Variants in ADAMTS6 observed in about 807,000 individuals in gnomAD.
The protein encoded by ADAMTS6 is ADAM metallopeptidase with thrombospondin type 1 motif 6, also known as A disintegrin and metalloproteinase with thrombospondin motifs 6.
In ADAMTS6, 23 loss-of-function variants were observed where a neutral mutation model predicts 144.3. That is an observed-to-expected ratio of 0.16 (90% CI 0.11 to 0.23). The LOEUF is 0.23. Among genes scored for constraint, ADAMTS6 ranks in the 10% least tolerant of loss-of-function variants. The pLI is 1.00. For missense variants in ADAMTS6, 999 were observed against 1,379.6 expected, an observed-to-expected ratio of 0.72 and a Z score of 4.37; for synonymous variants, 444 against 457.5, an observed-to-expected ratio of 0.97 and a Z score of 0.38.
intron 1 of ADAMTS6, among the ~76,000 whole-genome samples, chr5:65,474,409 G>A (rs969794263): frequency 1.3e-5 from 2 of 151,502 alleles, no homozygotes; most frequent in Non-Finnish European, 2.9e-5. Context: ...TTCTGACAAA[G>A]TAGATCTACA....
chr5:65,427,883 AAG>A, intron 7 of ADAMTS6, among the ~76,000 whole-genome samples: 1 of 152,284 alleles, frequency 6.6e-6, no homozygotes, highest in Middle Eastern at 3.4e-3. Flanking sequence ...TGTAGAAAAA[AAG>A]CTAAGTTTGG....
intron 18 of ADAMTS6, among the ~76,000 whole-genome samples, chr5:65,219,870 T>A (rs1580093750): frequency 6.6e-6 from 1 of 152,306 alleles, no homozygotes; most frequent in East Asian, 1.9e-4. Context: ...GCAAAAGTAA[T>A]CGCAGCTTTT....
intron 7 of ADAMTS6, among the ~76,000 whole-genome samples, chr5:65,369,289 C>G (rs1458705003): frequency 6.6e-6 from 1 of 151,960 alleles, no homozygotes; most frequent in East Asian, 1.9e-4. Flanking sequence ...AAGTTTATAG[C>G]CCACAAGTTA....
rs1029765775 is a variant in ADAMTS6 at position 65,150,425 on chromosome 5, T to C, written c.*1411A>G. The C allele has an allele frequency of 1.0e-4, 16 of 152,616 alleles. No homozygotes were observed. Among genetic ancestry groups the C allele is most frequent in the Admixed American group, 5.2e-4 (8 of 15,268 alleles). 9.5% of individuals were successfully genotyped at this position (152,616 alleles called of 1,614,324 possible). A position where few individuals can be genotyped will look rare whatever the true frequency, so the allele number is the denominator to read the frequency against. ...ATGACCAGGATGTGAAACTTGAAGATGGGGAAAATACGAGCTAGTCATTTT... is the reference window on the plus strand; with the variant it reads ...ATGACCAGGATGTGAAACTTGAAGACGGGGAAAATACGAGCTAGTCATTTT... On this transcript the variant is annotated 3_prime_UTR_variant, in exon 25 of 25. Coordinates refer to ENST00000381055, the MANE Select transcript of ADAMTS6 (RefSeq NM_197941.4).
In ADAMTS6 at chr5:65,300,199, C is replaced by T. The variant is rs1743221614; in HGVS notation, c.1224-68G>A. The T allele has an allele frequency of 2.7e-6, 4 of 1,474,640 alleles. No homozygotes were observed. The South Asian group carries it at 3.8e-5, about 14-fold the overall frequency. 91.3% of individuals were successfully genotyped at this position (1,474,640 alleles called of 1,614,324 possible). ...AAAACCCCAACACATCCCTTATTTCCTTATTTGGCCATTTATTAGCCTTAT... is the reference window on the plus strand; with the variant it reads ...AAAACCCCAACACATCCCTTATTTCTTTATTTGGCCATTTATTAGCCTTAT... On this transcript the variant is annotated intron_variant, in intron 9 of 24. Transcript: ENST00000381055.
At chr5:65,334,234 A>G (rs1399333035) in intron 7 of ADAMTS6, 149 bp from the exon 8 acceptor site, 2 of 845,900 alleles carry the variant, frequency 2.4e-6, no homozygotes, top group African/African-American at 1.8e-5. Flanking sequence ...TCAGCACTCT[A>G]CAGTGCTGAG....
chr5:65,339,644 A>G (rs769830687), intron 7 of ADAMTS6, among the ~76,000 whole-genome samples: 3 of 152,000 alleles, frequency 2.0e-5, no homozygotes, highest in Non-Finnish European at 4.4e-5. Context: ...GAAATTCAAT[A>G]GAGATAAATA....
chr5:65,262,536 G>A (rs1761289120), intron 13 of ADAMTS6, among the ~76,000 whole-genome samples: 1 of 152,144 alleles, frequency 6.6e-6, no homozygotes, highest in African/African-American at 2.4e-5. Flanking sequence ...TTTGGAGGAG[G>A]AAATCTGATT....
At chr5:65,248,886 C>T (rs1484649321) in intron 14 of ADAMTS6, among the ~76,000 whole-genome samples, 2 of 152,038 alleles carry the variant, frequency 1.3e-5, no homozygotes, top group Non-Finnish European at 2.9e-5. Context: ...AAAACCTAGT[C>T]CTTATTTCTC....
intron 8 of ADAMTS6, among the ~76,000 whole-genome samples, chr5:65,332,312 TAG>T (rs10673039): frequency 0.035 from 3,597 of 101,856 alleles, 67 homozygotes; most frequent in Admixed American, 0.065. Flanking sequence ...TATATATATA[TAG>T]AGAGAGAGAG....
intron 7 of ADAMTS6, among the ~76,000 whole-genome samples, chr5:65,383,081 C>T (rs1017216731): frequency 1.3e-4 from 20 of 152,170 alleles, no homozygotes; most frequent in Non-Finnish European, 2.6e-4. Context: ...CTAGTCACCT[C>T]CTGAAGGCTC....
chr5:65,166,074 G>C (rs1214785109), intron 24 of ADAMTS6, among the ~76,000 whole-genome samples: 2 of 144,068 alleles, frequency 1.4e-5, no homozygotes, highest in East Asian at 2.1e-4. Flanking sequence ...CCAATTAAAA[G>C]ACACAGACTG....
At chr5:65,457,209 A>G (rs759996273) in intron 4 of ADAMTS6, among the ~76,000 whole-genome samples, 1 of 152,240 alleles carries the variant, frequency 6.6e-6, no homozygotes, top group Non-Finnish European at 1.5e-5. Context: ...ATACAGCCAG[A>G]TATAGGGGAC....
chr5:65,387,414 G>T (rs1469201308), intron 7 of ADAMTS6, among the ~76,000 whole-genome samples: 1 of 152,078 alleles, frequency 6.6e-6, no homozygotes, highest in Non-Finnish European at 1.5e-5. Flanking sequence ...TCCAGCACAG[G>T]ACTAGGACTT....
At chr5:65,411,504 T>C (rs113481402) in intron 7 of ADAMTS6, among the ~76,000 whole-genome samples, 58 of 152,326 alleles carry the variant, frequency 3.8e-4, no homozygotes, top group African/African-American at 1.4e-3. Flanking sequence ...ATCTCCTTCA[T>C]CAGCATTTTC....
chr5:65,371,010 G>A (rs967374081), intron 7 of ADAMTS6, among the ~76,000 whole-genome samples: 2 of 152,116 alleles, frequency 1.3e-5, no homozygotes, highest in African/African-American at 4.8e-5. Flanking sequence ...CCCAGCAGGG[G>A]CACACTGACA....
intron 1 of ADAMTS6, among the ~76,000 whole-genome samples, chr5:65,477,818 T>G (rs1348476376): frequency 1.3e-5 from 2 of 150,876 alleles, no homozygotes; most frequent in African/African-American, 4.9e-5. Context: ...ATTAAGTAAA[T>G]GAGTCTAGAT....
intron 7 of ADAMTS6, among the ~76,000 whole-genome samples, chr5:65,348,811 A>G (rs1435414629): frequency 2.6e-5 from 4 of 152,064 alleles, no homozygotes; most frequent in Admixed American, 2.6e-4. Context: ...TTGTCAATAT[A>G]CAATAAAAAC....
chr5:65,407,004 T>A (rs1160068913), intron 7 of ADAMTS6, among the ~76,000 whole-genome samples: 2 of 152,082 alleles, frequency 1.3e-5, no homozygotes, highest in East Asian at 1.9e-4. Flanking sequence ...CAAATCTACG[T>A]CTGCTTGGTG....
Sources: gnomAD v4.1 joint callset for allele counts (sites outside exome capture counted in the v4.1 genomes callset) on GRCh38, gnomAD v4.1.1 for gene constraint, MANE v1.5 for transcripts, NCBI Gene and HGNC (gene_info 2026-07-23, HGNC 2026-07-21) for gene names.